The following CLIP1 variants were observed in gnomAD, a reference collection of about 807,000 sequenced individuals.
CLIP1 encodes the protein CAP-Gly domain containing linker protein 1, also known as CAP-Gly domain-containing linker protein 1.
CLIP1 carries 66 observed loss-of-function variants against 161.6 expected under a neutral mutation model. The ratio of observed to expected loss-of-function variants is 0.41; its 90% CI spans 0.33 to 0.50. The LOEUF is 0.50. CLIP1 is among the 20% of genes least tolerant of loss of function. The probability of loss-of-function intolerance (pLI) is 0.27; values close to 1 mark genes in which losing one functional copy is unlikely to be tolerated. For missense variants in CLIP1, 1,376 were observed against 1,702.0 expected (o/e 0.81, Z 3.37); for synonymous variants, 598 against 626.2 (o/e 0.96, Z 0.67).
At chr12:122,292,332 T>G (rs1306463286) in intron 20 of CLIP1, among the ~76,000 whole-genome samples, 2 of 152,074 alleles carry the variant, frequency 1.3e-5, no homozygotes, top group African/African-American at 4.8e-5. Flanking sequence ...CTGTTTAGAT[T>G]CATGGTTTCC....
At chr12:122,368,552 A>G (rs182115252) in intron 3 of CLIP1, among the ~76,000 whole-genome samples, 76 of 152,296 alleles carry the variant, frequency 5.0e-4, no homozygotes, top group African/African-American at 1.7e-3. Flanking sequence ...ATGTCTCAAG[A>G]GCAGTAATGA....
intron 15 of CLIP1, among the ~76,000 whole-genome samples, chr12:122,329,753 TA>T: frequency 6.6e-6 from 1 of 152,158 alleles, no homozygotes; most frequent in South Asian, 2.1e-4. Flanking sequence ...GGACAGCAGA[TA>T]CAAAAATGAC....
At chr12:122,285,222 C>A (rs1955800032) in intron 21 of CLIP1, among the ~76,000 whole-genome samples, 1 of 142,594 alleles carries the variant, frequency 7.0e-6, no homozygotes, top group South Asian at 2.2e-4. Context: ...TAGGGAGATA[C>A]CAGTCCTTTT....
Position 122,341,635 on chromosome 12 carries a change from T to C in CLIP1, c.1569A>G (p.Val523=), listed in dbSNP as rs745546344. 3 of 1,612,866 alleles carry C rather than the reference T, an allele frequency of 1.9e-6. No individual in the cohort carries two copies. Among genetic ancestry groups the C allele is most frequent in the African/African-American group, 1.3e-5 (1 of 74,900 alleles). Reference sequence around the variant, plus strand: ...TTCTTCGGAGCTCAGCTACTTCCTGTACTCTCAATGCTAGGTCTTTCTCCA... The same window carrying C: ...TTCTTCGGAGCTCAGCTACTTCCTGCACTCTCAATGCTAGGTCTTTCTCCA... ...MELEKDLALR[V]QEVAELRRRL... Residue 523 remains valine, a synonymous_variant, in exon 11 of 26, where the codon GTA becomes GTG. Coordinates refer to ENST00000620786, the MANE Select transcript of CLIP1 (RefSeq NM_001247997.2).
At chr12:122,310,935 A>C (rs1312248917) in intron 19 of CLIP1, among the ~76,000 whole-genome samples, 1 of 152,228 alleles carries the variant, frequency 6.6e-6, no homozygotes, top group Non-Finnish European at 1.5e-5. Context: ...CACTGGGATG[A>C]CCTCAGGAAG....
rs565280912 is a variant in CLIP1 at position 122,415,257 on chromosome 12, G to A, written c.-107+7264C>T. ...AGCACTTTGGGAGGCAGAGGCGGGC[G>A]GATCACGAGGTCAGGAGATCAAGAC... On this transcript the variant is annotated intron_variant, in intron 1 of 25. Coordinates refer to ENST00000620786, the MANE Select transcript of CLIP1 (RefSeq NM_001247997.2). Among the ~76,000 whole-genome samples, 100 of 151,514 alleles carry A rather than the reference G, an allele frequency of 6.6e-4. 1 individual carries two copies. The highest frequency in any genetic ancestry group is 2.3e-3 in the African/African-American group (97 of 41,372).
At chr12:122,336,413 TAA>T (rs144935400) in intron 12 of CLIP1, among the ~76,000 whole-genome samples, 98,469 of 138,818 alleles carry the variant, frequency 0.71, 34,755 homozygotes, top group East Asian at 0.84. Context: ...AGGGATAGAT[TAA>T]AAAAAAAAAA....
chr12:122,420,881 G>A (rs191510583), intron 1 of CLIP1, among the ~76,000 whole-genome samples: 1 of 151,946 alleles, frequency 6.6e-6, no homozygotes, highest in Non-Finnish European at 1.5e-5. Flanking sequence ...ATTGCAGTGA[G>A]CTGAGATCAC....
chr12:122,291,444 C>A (rs1333032144), intron 20 of CLIP1, among the ~76,000 whole-genome samples: 1 of 152,220 alleles, frequency 6.6e-6, no homozygotes, highest in Non-Finnish European at 1.5e-5. Context: ...CCCGCCATGG[C>A]ATCCCAAAAT....
chr12:122,320,313 G>A (rs1237901077), intron 17 of CLIP1, among the ~76,000 whole-genome samples: 1 of 151,492 alleles, frequency 6.6e-6, no homozygotes, highest in African/African-American at 2.4e-5. Context: ...AAAAATAAAT[G>A]AAAATATAGC....
intron 24 of CLIP1, chr12:122,275,644 G>GCGCACACACACACACACACA (rs773370301): frequency 6.8e-6 from 1 of 147,538 alleles, no homozygotes; most frequent in African/African-American, 2.5e-5. Flanking sequence ...ACACACACGC[G>GCGCACACACACACACACACA]CACACACACA....
chr12:122,286,386 G>A (rs1431667739), intron 21 of CLIP1, among the ~76,000 whole-genome samples: 2 of 151,688 alleles, frequency 1.3e-5, no homozygotes, highest in African/African-American at 4.8e-5. Context: ...GCATGGTGGT[G>A]CACGCCTGTA....
rs992621180 is a variant in CLIP1, at chr12:122,333,071, T to A, written c.2783A>T (p.Asn928Ile). 4.3e-6 allele frequency: 7 copies of A among 1,613,446 alleles called. No homozygotes were observed. The highest frequency in any genetic ancestry group is 5.9e-6 in the Non-Finnish European group (7 of 1,179,596). Reference protein sequence around the residue: ...QLIKAKEKLENDIAEIMKMSG... With the variant: ...QLIKAKEKLEIDIAEIMKMSG... ...CATCTTCATTATTTCTGCAATGTCA[T>A]TTTCCAGTTTTTCCTTTGCCTTTAT... The change falls in exon 15 of 26, where the codon AAT (asparagine) becomes ATT (isoleucine). Residue 928 changes from asparagine to isoleucine, a missense_variant. Asn to Ile is a moderately radical substitution (Grantham distance 149). Around this residue, in one of 6 missense-constraint regions of CLIP1, gnomAD observed 948 missense variants for 1,134.8 expected, o/e 0.84. Coordinates refer to ENST00000620786, the MANE Select transcript of CLIP1 (RefSeq NM_001247997.2).
At chr12:122,292,957 A>C (rs553455931) in intron 20 of CLIP1, among the ~76,000 whole-genome samples, 16 of 146,592 alleles carry the variant, frequency 1.1e-4, no homozygotes, top group African/African-American at 1.5e-4. Context: ...GGGCCGAGAT[A>C]GCACCACTGC....
intron 15 of CLIP1, among the ~76,000 whole-genome samples, chr12:122,328,993 T>A (rs940219694): frequency 6.6e-6 from 1 of 152,172 alleles, no homozygotes; most frequent in Non-Finnish European, 1.5e-5. Flanking sequence ...CTATTTTATG[T>A]CAATAAATTA....
chr12:122,399,213 C>T (rs1463756190), intron 1 of CLIP1: 1 of 152,178 alleles, frequency 6.6e-6, no homozygotes, highest in Non-Finnish European at 1.5e-5. Context: ...ACTCACATAA[C>T]CCCTTCCCCG....
Position 122,328,304 on chromosome 12 carries a change from T to G in CLIP1, c.2990A>C (p.His997Pro). 6.2e-7 allele frequency: 1 copy of G among 1,614,174 alleles called. No individual in the cohort carries two copies. The highest frequency in any genetic ancestry group is 8.5e-7 in the Non-Finnish European group (1 of 1,180,032). The change falls in exon 16 of 26, where the codon CAT becomes CCT. Residue 997 changes from histidine (H) to proline (P), a missense_variant. By Grantham distance (77) the His-to-Pro change is moderately conservative. Coordinates refer to ENST00000620786, the MANE Select transcript of CLIP1 (RefSeq NM_001247997.2). ...EQSQQEAAKK[H>P]EEEKKELERK... ...CTCCAATTCTTTCTTTTCTTCCTCA[T>G]GCTTTTTAGCTGCTTCTTGCTGGCT...
At chr12:122,329,431 C>A (rs990973056) in intron 15 of CLIP1, among the ~76,000 whole-genome samples, 2 of 151,876 alleles carry the variant, frequency 1.3e-5, no homozygotes, top group African/African-American at 4.8e-5. Flanking sequence ...GAGATTAAGA[C>A]CATCCTGGCT....
intron 20 of CLIP1, among the ~76,000 whole-genome samples, chr12:122,299,114 C>T (rs1196626255): frequency 1.3e-5 from 2 of 152,168 alleles, no homozygotes; most frequent in Non-Finnish European, 2.9e-5. Context: ...AGCTACTCTT[C>T]CCTTAATACT....
Sources: allele counts gnomAD v4.1 joint callset (sites outside exome capture counted in the v4.1 genomes callset), GRCh38; gene constraint gnomAD v4.1.1; regional missense constraint gnomAD v4.1.1; transcripts MANE v1.5; gene names NCBI Gene and HGNC (gene_info 2026-07-23, HGNC 2026-07-21).